The following ADTRP variants were observed in gnomAD, a reference collection of about 807,000 sequenced individuals.
ADTRP encodes androgen-dependent TFPI-regulating protein.
In ADTRP, 20 loss-of-function variants were observed where a neutral mutation model predicts 27.0. The observed-to-expected ratio is 0.74, with a 90% CI of 0.52 to 1.08. ADTRP has a LOEUF of 1.08. Ranked by LOEUF, ADTRP falls within the 50% of genes least tolerant of loss-of-function variation. The pLI, the probability that ADTRP is intolerant of heterozygous loss-of-function variation, is 0.00. For missense variants in ADTRP, 251 were observed against 275.0 expected (o/e 0.91, Z 0.62); for synonymous variants, 101 against 105.2 (o/e 0.96, Z 0.25).
rs145714954 is a variant in ADTRP, at chr6:11,727,979, T to G, written c.507-4479A>C. Among the ~76,000 whole-genome samples, 73 of 53,310 alleles carry G rather than the reference T, an allele frequency of 1.4e-3. No individual in the cohort carries two copies. In the East Asian group the frequency reaches 0.018, roughly 13 times the overall value. The allele number at this position is 53,310 out of a possible 152,430, so 35.0% of individuals were successfully genotyped here. ...GGAGGCAGGGAGGGAGGGAGGTAGG[T>G]AGGGAGGGAGGGAGGGAGGGAGGGA... On this transcript the variant is annotated intron_variant, in intron 4 of 5. Coordinates refer to ENST00000414691, the MANE Select transcript of ADTRP (RefSeq NM_032744.4).
intron 3 of ADTRP, among the ~76,000 whole-genome samples, chr6:11,761,345 C>T (rs182484759): frequency 6.6e-6 from 1 of 152,332 alleles, no homozygotes; most frequent in East Asian, 1.9e-4. Context: ...GTATAGTCCA[C>T]AAGGACAGAT....
intron 3 of ADTRP, among the ~76,000 whole-genome samples, chr6:11,762,835 C>T (rs1763435830): frequency 6.6e-6 from 1 of 152,164 alleles, no homozygotes. Context: ...GGTTGATTTC[C>T]AGAGAAATAA....
chr6:11,771,284 G>A (rs957692932), intron 1 of ADTRP, among the ~76,000 whole-genome samples: 1 of 152,202 alleles, frequency 6.6e-6, no homozygotes, highest in Non-Finnish European at 1.5e-5. Flanking sequence ...CAGCCCTGTC[G>A]CCATCGAGCT....
chr6:11,742,471 T>A (rs1195671021), intron 3 of ADTRP, among the ~76,000 whole-genome samples: 3 of 152,230 alleles, frequency 2.0e-5, no homozygotes, highest in Non-Finnish European at 2.9e-5. Context: ...GAAGGCTTAC[T>A]GGGCTTCTAT....
chr6:11,735,448 A>G (rs1169361863), intron 4 of ADTRP, 120 bp downstream of exon 4: 2 of 709,270 alleles, frequency 2.8e-6, no homozygotes, highest in Middle Eastern at 2.4e-4. Flanking sequence ...AAATGTAAAC[A>G]TGATTAAATC....
chr6:11,752,219 C>A (rs1211947265), intron 3 of ADTRP, among the ~76,000 whole-genome samples: 1 of 152,020 alleles, frequency 6.6e-6, no homozygotes, highest in Non-Finnish European at 1.5e-5. Context: ...GTAAGCCAAG[C>A]ATTTTAAAAA....
At chr6:11,716,567 G>A (rs1297685964) in intron 5 of ADTRP, among the ~76,000 whole-genome samples, 3 of 152,158 alleles carry the variant, frequency 2.0e-5, no homozygotes, top group Admixed American at 2.0e-4. Flanking sequence ...CATGTGGCGT[G>A]AACGTTGCAA....
At chr6:11,740,880 AC>A (rs1197621766) in intron 3 of ADTRP, among the ~76,000 whole-genome samples, 1 of 152,236 alleles carries the variant, frequency 6.6e-6, no homozygotes, top group Non-Finnish European at 1.5e-5. Flanking sequence ...GGAAATGTGC[AC>A]GTAGGCTATA....
chr6:11,751,433 A>T (rs1230873840), intron 3 of ADTRP, among the ~76,000 whole-genome samples: 2 of 152,052 alleles, frequency 1.3e-5, no homozygotes, highest in Non-Finnish European at 2.9e-5. Context: ...CATGTGTATT[A>T]TGAGAGTGGT....
intron 5 of ADTRP, among the ~76,000 whole-genome samples, chr6:11,719,566 G>C (rs544531505): frequency 1.3e-5 from 2 of 152,270 alleles, no homozygotes; most frequent in South Asian, 2.1e-4. Context: ...TACTGCTAGA[G>C]AGCTACTGTC....
intron 4 of ADTRP, among the ~76,000 whole-genome samples, chr6:11,725,803 G>A (rs369361387): frequency 1.0e-4 from 15 of 147,978 alleles, no homozygotes; most frequent in East Asian, 8.0e-4. Flanking sequence ...GGAGGCTGAG[G>A]GCAGGAGAAT....
At chr6:11,738,660 T>C (rs1762619206) in intron 3 of ADTRP, 1 of 152,254 alleles carries the variant, frequency 6.6e-6, no homozygotes, top group African/African-American at 2.4e-5. Context: ...TAGGAGTAAA[T>C]GAGTTCGCAG....
intron 3 of ADTRP, among the ~76,000 whole-genome samples, chr6:11,764,368 C>T (rs937359362): frequency 1.3e-5 from 2 of 152,114 alleles, no homozygotes; most frequent in Admixed American, 1.3e-4. Flanking sequence ...GTGAAAAAAG[C>T]TACAAGATGA....
chr6:11,717,234 G>A (rs541485624), intron 5 of ADTRP: 44 of 1,257,284 alleles, frequency 3.5e-5, no homozygotes, highest in African/African-American at 6.2e-5. Context: ...GATTCACCCC[G>A]ACTTGTTTTA....
At chr6:11,737,008 TA>T (rs1240923998) in intron 3 of ADTRP, among the ~76,000 whole-genome samples, 2 of 152,096 alleles carry the variant, frequency 1.3e-5, no homozygotes, top group Non-Finnish European at 2.9e-5. Flanking sequence ...GTAGAGTTTT[TA>T]AAATGACATA....
intron 4 of ADTRP, among the ~76,000 whole-genome samples, chr6:11,724,371 T>C (rs1212797106): frequency 2.6e-5 from 4 of 152,160 alleles, no homozygotes; most frequent in Non-Finnish European, 5.9e-5. Flanking sequence ...TTTTCACTCA[T>C]GCATATAGCC....
intron 1 of ADTRP, among the ~76,000 whole-genome samples, chr6:11,771,612 C>T (rs1256238328): frequency 3.9e-5 from 6 of 152,170 alleles, no homozygotes; most frequent in Non-Finnish European, 5.9e-5. Context: ...ACAGACGGAG[C>T]GATCAGGGGA....
chr6:11,767,045 C>CAA (rs1198576465), intron 2 of ADTRP, among the ~76,000 whole-genome samples: 2 of 152,220 alleles, frequency 1.3e-5, no homozygotes, highest in Admixed American at 6.5e-5. Flanking sequence ...TTCTAAGCCT[C>CAA]AAAAAATAAA....
At chr6:11,738,384 C>T (rs959507591) in intron 3 of ADTRP, 2 of 152,312 alleles carry the variant, frequency 1.3e-5, no homozygotes, top group Non-Finnish European at 2.9e-5. Flanking sequence ...CAGTGACCAA[C>T]AGGGATGCTC....
Sources: allele counts gnomAD v4.1 joint callset (sites outside exome capture counted in the v4.1 genomes callset), GRCh38; gene constraint gnomAD v4.1.1; transcripts MANE v1.5; gene names NCBI Gene and HGNC (gene_info 2026-07-23, HGNC 2026-07-21).